PALD1: variants seen among roughly 807,000 people sequenced by gnomAD.
PALD1 encodes the protein phosphatase domain containing paladin 1.
In PALD1, 57 loss-of-function variants were observed where a neutral mutation model predicts 96.0. The observed-to-expected ratio is 0.59, with a 90% CI of 0.48 to 0.74. The LOEUF is 0.74. PALD1 is among the 30% of genes least tolerant of loss of function. The pLI is 0.00. For synonymous variants in PALD1, 464 were observed against 473.6 expected (o/e 0.98, Z 0.26); for missense variants, 1,063 against 1,143.7 (o/e 0.93, Z 1.02).
the PALD1 span, among the ~76,000 whole-genome samples, chr10:70,461,228 T>C: frequency 6.6e-6 from 1 of 152,182 alleles, no homozygotes; most frequent in African/African-American, 2.4e-5. Context: ...ATGCCCTTTC[T>C]CCCACTCTTT....
At chr10:70,462,988 C>T in the PALD1 span, among the ~76,000 whole-genome samples, 34 of 152,368 alleles carry the variant, frequency 2.2e-4, no homozygotes, top group Non-Finnish European at 3.8e-4. Context: ...GTCCATCACT[C>T]ACATTCCACT....
the PALD1 span, among the ~76,000 whole-genome samples, chr10:70,464,386 G>A: frequency 6.6e-6 from 1 of 151,362 alleles, no homozygotes; most frequent in Non-Finnish European, 1.5e-5. Flanking sequence ...TAATTTTTTC[G>A]TATTTTTAGT....
rs145884775 is a variant in PALD1, at chr10:70,499,947, C to T, written c.-30+20888C>T. Among the ~76,000 whole-genome samples the T allele has an allele frequency of 5.1e-3, 774 of 152,326 alleles. 1 individual carries two copies. The highest frequency in any genetic ancestry group is 8.7e-3 in the Non-Finnish European group (589 of 68,034). On this transcript the variant is annotated intron_variant, in intron 1 of 19. Coordinates refer to ENST00000263563, the MANE Select transcript of PALD1 (RefSeq NM_014431.3). ...ATGATATGGCAGTGACTCTTTGTCA[C>T]GCTCCAGCTGTGACACTCAGGTGGA...
chr10:70,551,461 G>A (rs547417727), intron 18 of PALD1, among the ~76,000 whole-genome samples: 4 of 152,112 alleles, frequency 2.6e-5, no homozygotes, highest in African/African-American at 4.8e-5. Flanking sequence ...CCCCTCCATC[G>A]GCTTAATTTG....
chr10:70,484,268 G>A (rs547451726), intron 1 of PALD1, among the ~76,000 whole-genome samples: 6 of 152,208 alleles, frequency 3.9e-5, no homozygotes, highest in Admixed American at 3.9e-4. Flanking sequence ...CTCCCAAAGT[G>A]TTGGGATTAC....
intron 18 of PALD1, among the ~76,000 whole-genome samples, chr10:70,556,739 G>A (rs1847620199): frequency 6.6e-6 from 1 of 152,178 alleles, no homozygotes; most frequent in Non-Finnish European, 1.5e-5. Flanking sequence ...GTTTCTAAGT[G>A]TGCACCACTG....
chr10:70,516,319 A>G (rs1387203498), intron 1 of PALD1, among the ~76,000 whole-genome samples: 1 of 151,958 alleles, frequency 6.6e-6, no homozygotes, highest in Non-Finnish European at 1.5e-5. Flanking sequence ...TTTATAAAAA[A>G]GGCACAGTTT....
intron 1 of PALD1, among the ~76,000 whole-genome samples, chr10:70,488,642 G>A (rs1846049546): frequency 6.6e-6 from 1 of 152,148 alleles, no homozygotes; most frequent in Non-Finnish European, 1.5e-5. Flanking sequence ...TGTGGGGCCT[G>A]CTTTCATCCG....
intron 18 of PALD1, among the ~76,000 whole-genome samples, chr10:70,549,124 T>C (rs1437831304): frequency 2.0e-5 from 3 of 151,442 alleles, no homozygotes; most frequent in East Asian, 1.9e-4. Flanking sequence ...AGACGGACTT[T>C]GGTGAATTTA....
intron 1 of PALD1, among the ~76,000 whole-genome samples, chr10:70,523,271 C>T (rs562953428): frequency 6.6e-6 from 1 of 151,186 alleles, no homozygotes; most frequent in East Asian, 1.9e-4. Flanking sequence ...GGTGTCAGGC[C>T]GAGCCCAGCC....
chr10:70,485,119 C>T (rs1357433208), intron 1 of PALD1, among the ~76,000 whole-genome samples: 1 of 151,862 alleles, frequency 6.6e-6, no homozygotes, highest in South Asian at 2.1e-4. Flanking sequence ...GTTTTTGAAA[C>T]AAGATTACAG....
intron 17 of PALD1, among the ~76,000 whole-genome samples, chr10:70,546,412 G>GT (rs932999472): frequency 6.6e-5 from 10 of 152,062 alleles, no homozygotes; most frequent in East Asian, 1.9e-4. Context: ...TATTCCCATG[G>GT]TTTTTTTTGT....
chr10:70,539,852 A>C lies in PALD1; in HGVS notation c.1908+90A>C. ...GTCTGGGCTCTGGGAGAATGAAACG[A>C]CCCCAGCTTCTCTACGGGGCCCGGG... On this transcript the variant is annotated intron_variant, in intron 15 of 19. Transcript: ENST00000263563. The surrounding 1 kb of genome is among the most constrained non-coding windows in gnomAD (Gnocchi z 4.5). 2 of 1,172,876 alleles carry C rather than the reference A, an allele frequency of 1.7e-6. No homozygotes were observed. The highest frequency in any genetic ancestry group is 1.6e-5 in the African/African-American group (1 of 63,274). 72.7% of individuals were successfully genotyped at this position (1,172,876 alleles called of 1,614,324 possible). A position where few individuals can be genotyped will look rare whatever the true frequency, so the allele number is the denominator to read the frequency against.
chr10:70,547,447 G>A lies in PALD1; in HGVS notation c.2262+1G>A. ...GATCATCATCTGCACCTACCGCCAG[G>A]TGAGCCCCCACCCCACCCCACCCCA... On this transcript the variant is annotated splice_donor_variant, in intron 18 of 19. Transcript: ENST00000263563. LOFTEE classifies it high-confidence loss of function. 2 of 1,598,338 alleles carry A rather than the reference G, an allele frequency of 1.3e-6. No homozygotes were observed. The highest frequency in any genetic ancestry group is 2.2e-5 in the East Asian group (1 of 44,642).
the PALD1 span, among the ~76,000 whole-genome samples, chr10:70,462,457 T>C: frequency 6.6e-6 from 1 of 152,370 alleles, no homozygotes; most frequent in Non-Finnish European, 1.5e-5. Context: ...GCCTGGCATG[T>C]AATCAATGCT....
intron 4 of PALD1, among the ~76,000 whole-genome samples, chr10:70,530,344 G>A (rs980387560): frequency 7.2e-5 from 11 of 152,220 alleles, no homozygotes; most frequent in Non-Finnish European, 4.4e-5. Context: ...AGCAGGGGGC[G>A]TGACCGGGTG....
At chr10:70,521,041 G>A (rs116647384) in intron 1 of PALD1, among the ~76,000 whole-genome samples, 1,780 of 152,254 alleles carry the variant, frequency 0.012, 35 homozygotes, top group African/African-American at 0.04. Flanking sequence ...ATGTCTGTGT[G>A]CCAGACTTTC....
chr10:70,558,087 C>T (rs930017683), intron 18 of PALD1, among the ~76,000 whole-genome samples: 2 of 151,974 alleles, frequency 1.3e-5, no homozygotes, highest in East Asian at 1.9e-4. Context: ...GGGCTACAGG[C>T]ATGTGCCACC....
At chr10:70,510,472 G>GC (rs966073194) in intron 1 of PALD1, among the ~76,000 whole-genome samples, 1 of 152,078 alleles carries the variant, frequency 6.6e-6, no homozygotes, top group African/African-American at 2.4e-5. Context: ...TTCTCCCTGG[G>GC]CCCCCCTCCC....
Sources: gnomAD v4.1 joint callset for allele counts (sites outside exome capture counted in the v4.1 genomes callset) on GRCh38, gnomAD v4.1.1 for gene constraint, Gnocchi (gnomAD v3.1) non-coding constraint, MANE v1.5 for transcripts, NCBI Gene and HGNC (gene_info 2026-07-23, HGNC 2026-07-21) for gene names.